Variants in SORBS2 observed in about 807,000 individuals in gnomAD.
The protein encoded by SORBS2 is sorbin and SH3 domain containing 2, also known as sorbin and SH3 domain-containing protein 2.
A neutral mutation model predicts 97.7 loss-of-function variants in SORBS2; 46 were observed. That is an observed-to-expected ratio of 0.47 (90% CI 0.37 to 0.60). The LOEUF is 0.60. SORBS2 is among the 20% of genes least tolerant of loss of function. The pLI, the probability that SORBS2 is intolerant of heterozygous loss-of-function variation, is 0.00. For synonymous variants in SORBS2, 476 were observed against 473.4 expected (o/e 1.01, Z -0.07); for missense variants, 1,316 against 1,282.3 (o/e 1.03, Z -0.40).
rs1447131412 is a variant in SORBS2, at chr4:185,678,972, C to T, written c.-197-150G>A. ...GTATGTCAAACATGCCAAAGGGAGG[C>T]TTGTACATTTATTTTTACTTCAATT... On this transcript the variant is annotated intron_variant, in intron 2 of 20. Coordinates refer to the SORBS2 transcript ENST00000284776. The T allele has an allele frequency of 3.2e-5, 14 of 430,974 alleles. No individual in the cohort carries two copies. The East Asian group carries it at 4.9e-4, about 15-fold the overall frequency. The allele number at this position is 430,974 out of a possible 1,614,324, so 26.7% of individuals were successfully genotyped here. A position where few individuals can be genotyped will look rare whatever the true frequency, so the allele number is the denominator to read the frequency against.
At chr4:185,932,649 G>T (rs2099267034) in intron 1 of SORBS2, among the ~76,000 whole-genome samples, 1 of 152,154 alleles carries the variant, frequency 6.6e-6, no homozygotes, top group African/African-American at 2.4e-5. Flanking sequence ...TCACTGCATT[G>T]CAGGGCTGTA....
intron 2 of SORBS2, among the ~76,000 whole-genome samples, chr4:185,741,031 C>G (rs2098721675): frequency 6.6e-6 from 1 of 152,008 alleles, no homozygotes; most frequent in Non-Finnish European, 1.5e-5. Flanking sequence ...CAACTCAAAC[C>G]AGCACCAACT....
intron 4 of SORBS2, 149 bp downstream of exon 13, chr4:185,646,519 G>A (rs961595882): frequency 1.9e-5 from 11 of 584,694 alleles, no homozygotes; most frequent in Non-Finnish European, 3.4e-5. Context: ...ATTCTGAGAT[G>A]AGATGTACAA....
chr4:185,665,747 G>A (rs1424701663), intron 4 of SORBS2: 1 of 1,022,110 alleles, frequency 9.8e-7, no homozygotes, highest in Non-Finnish European at 1.2e-6. Flanking sequence ...GTGGCCGCAG[G>A]GGTGGTTAAG....
intron 4 of SORBS2, chr4:185,638,878 C>T (rs1182065386): frequency 2.0e-6 from 3 of 1,464,930 alleles, no homozygotes; most frequent in African/African-American, 1.5e-5. Flanking sequence ...GGAGCTCACC[C>T]GGGTGGGAGA....
At position 185,678,776 on chromosome 4, in the gene SORBS2, T is replaced by A. The variant is rs1414192898; in HGVS notation, c.-171+20A>T. The A allele has an allele frequency of 7.0e-7, 1 of 1,429,598 alleles. No individual in the cohort carries two copies. Among genetic ancestry groups the A allele is most frequent in the Non-Finnish European group, 9.3e-7 (1 of 1,072,446 alleles). 88.6% of individuals were successfully genotyped at this position (1,429,598 alleles called of 1,614,324 possible). A position where few individuals can be genotyped will look rare whatever the true frequency, so the allele number is the denominator to read the frequency against. Reference sequence around the variant, plus strand: ...AAGTCACAAATAATATAATAATTATTCAGAATATTTTTTCTGTACCTGAGT... The same window carrying A: ...AAGTCACAAATAATATAATAATTATACAGAATATTTTTTCTGTACCTGAGT... On this transcript the variant is annotated intron_variant, in intron 3 of 20. Transcript: ENST00000284776.
intron 1 of SORBS2, among the ~76,000 whole-genome samples, chr4:185,853,383 G>C (rs1204795639): frequency 6.6e-6 from 1 of 152,188 alleles, no homozygotes; most frequent in Admixed American, 6.5e-5. Context: ...TTTAAGGCAT[G>C]ATCTCGGCTT....
intron 1 of SORBS2, among the ~76,000 whole-genome samples, chr4:185,794,985 T>C (rs1403049973): frequency 6.6e-6 from 1 of 152,140 alleles, no homozygotes; most frequent in Non-Finnish European, 1.5e-5. Context: ...AAGTAAACTG[T>C]GTTTGATTCA....
chr4:185,720,819 A>C (rs572920775), intron 2 of SORBS2, among the ~76,000 whole-genome samples: 46 of 152,158 alleles, frequency 3.0e-4, no homozygotes, highest in Admixed American at 1.1e-3. Flanking sequence ...CACCCCTTGA[A>C]ATGAGGCCGT....
rs1390951174 is a variant in SORBS2 at position 185,606,315 on chromosome 4, A to G, written c.2796+5465T>C. ...ATCATTGTTAATATTGGAAGATTACAAAGACTATATCAATTACAAAGACTT... is the reference window on the plus strand; with the variant it reads ...ATCATTGTTAATATTGGAAGATTACGAAGACTATATCAATTACAAAGACTT... On this transcript the variant is annotated intron_variant, in intron 12 of 14. Coordinates refer to ENST00000418609, the Ensembl canonical transcript of SORBS2. This position sits in a 1 kb window ranked among gnomAD's most constrained non-coding sequence, Gnocchi z 4.3. 1.0e-6 allele frequency: 1 copy of G among 976,224 alleles called. No homozygotes were observed. Among genetic ancestry groups the G allele is most frequent in the African/African-American group, 1.8e-5 (1 of 57,058 alleles). 60.5% of individuals were successfully genotyped at this position (976,224 alleles called of 1,614,324 possible). A position where few individuals can be genotyped will look rare whatever the true frequency, so the allele number is the denominator to read the frequency against.
intron 4 of SORBS2, among the ~76,000 whole-genome samples, chr4:185,631,305 T>A (rs2096902593): frequency 6.6e-6 from 1 of 152,252 alleles, no homozygotes; most frequent in Admixed American, 6.5e-5. Flanking sequence ...AATTTTTCCT[T>A]CATTCTGAAT....
Position 185,678,562 on chromosome 4 carries a change from A to G in SORBS2, c.-170-15T>C, listed in dbSNP as rs919483366. ...AGATCTCCAAGCTTTCATTAAGGGA[A>G]AACAATTGGATACAAAAATATCTAC... On this transcript the variant is annotated splice_polypyrimidine_tract_variant and intron_variant, in intron 3 of 20. Transcript: ENST00000284776. 7.2e-6 allele frequency: 11 copies of G among 1,519,648 alleles called. No individual in the cohort carries two copies. Among genetic ancestry groups the G allele is most frequent in the Non-Finnish European group, 9.7e-6 (11 of 1,135,222 alleles). 94.1% of individuals were successfully genotyped at this position (1,519,648 alleles called of 1,614,324 possible).
chr4:185,901,748 A>G (rs2099247893), intron 1 of SORBS2, among the ~76,000 whole-genome samples: 1 of 152,242 alleles, frequency 6.6e-6, no homozygotes, highest in Non-Finnish European at 1.5e-5. Context: ...GTTTCGAACA[A>G]TGAATTACAA....
chr4:185,659,304 G>A (rs1302457993), upstream of SORBS2, among the ~76,000 whole-genome samples: 1 of 152,192 alleles, frequency 6.6e-6, no homozygotes. Context: ...GGAAGGAGGT[G>A]TGCTGGCTGC....
chr4:185,698,111 G>C (rs1401574335), intron 2 of SORBS2, among the ~76,000 whole-genome samples: 4 of 152,148 alleles, frequency 2.6e-5, no homozygotes, highest in African/African-American at 9.7e-5. Flanking sequence ...ATACTCAAAA[G>C]TAGTTCATCT....
chr4:185,744,854 C>T (rs915019453), intron 2 of SORBS2, among the ~76,000 whole-genome samples: 53 of 152,374 alleles, frequency 3.5e-4, no homozygotes, highest in Non-Finnish European at 6.6e-4. Context: ...ACATGATTTT[C>T]CCCTTCACCC....
At chr4:185,701,981 G>C (rs1208775194) in intron 2 of SORBS2, among the ~76,000 whole-genome samples, 6 of 152,092 alleles carry the variant, frequency 3.9e-5, no homozygotes, top group Non-Finnish European at 8.8e-5. Context: ...ATGTTGGCCA[G>C]GATGGTCTAG....
chr4:185,698,777 C>T (rs2098216298), intron 2 of SORBS2, among the ~76,000 whole-genome samples: 1 of 152,056 alleles, frequency 6.6e-6, no homozygotes, highest in African/African-American at 2.4e-5. Context: ...CCAATCACAG[C>T]ACAAGTCCAA....
intron 1 of SORBS2, among the ~76,000 whole-genome samples, chr4:185,932,681 C>A (rs781279475): frequency 6.6e-6 from 1 of 152,132 alleles, no homozygotes; most frequent in African/African-American, 2.4e-5. Flanking sequence ...GCATCTGAGA[C>A]CAGCCTCTGC....
Sources: allele counts gnomAD v4.1 joint callset (sites outside exome capture counted in the v4.1 genomes callset), GRCh38; gene constraint gnomAD v4.1.1; non-coding constraint Gnocchi (gnomAD v3.1); transcripts MANE v1.5; gene names NCBI Gene and HGNC (gene_info 2026-07-23, HGNC 2026-07-21).